The following CNOT8 variants were observed in gnomAD, a reference collection of about 807,000 sequenced individuals.
CNOT8 encodes CAF1-like protein.
CNOT8 carries 18 observed loss-of-function variants against 34.6 expected under a neutral mutation model. The observed-to-expected ratio is 0.52, with a 90% CI of 0.36 to 0.77. The LOEUF (loss-of-function observed/expected upper bound fraction) is 0.77, where lower values mean the gene tolerates loss of function less well. CNOT8 is among the 30% of genes least tolerant of loss of function. The pLI is 0.00. For missense variants in CNOT8, 189 were observed against 347.9 expected, an observed-to-expected ratio of 0.54 and a Z score of 3.63; for synonymous variants, 101 against 118.8, an observed-to-expected ratio of 0.85 and a Z score of 0.98.
chr5:154,870,475 ATC>A lies in CNOT8; in HGVS notation c.312-184_312-183del. 8.9e-6 allele frequency: 4 copies of A among 449,224 alleles called. No individual in the cohort carries two copies. In the South Asian group the frequency reaches 1.6e-4, roughly 18 times the overall value. The allele number at this position is 449,224 out of a possible 1,614,324, so 27.8% of individuals were successfully genotyped here. ...TTATGGAGGAAAATCTCATTTTTCT[ATC>A]TGTCACAGAAATATGATCTACTTTG... On this transcript the variant is annotated intron_variant, in intron 3 of 6. Coordinates refer to ENST00000285896, the MANE Select transcript of CNOT8 (RefSeq NM_001301073.2).
intron 3 of CNOT8, among the ~76,000 whole-genome samples, chr5:154,866,067 GTCATTTTGCTGAT>G (rs1761835841): frequency 6.6e-6 from 1 of 152,204 alleles, no homozygotes. Context: ...CGGGGAGACT[GTCATTTTGCTGAT>G]TGCATAAAAT....
At chr5:154,870,901 CA>C (rs771591183) in intron 4 of CNOT8, 79 bp downstream of exon 4, 523 of 1,282,734 alleles carry the variant, frequency 4.1e-4, no homozygotes, top group Non-Finnish European at 5.4e-4. Flanking sequence ...GTCATTTTTG[CA>C]GTCCTAGTGA....
chr5:154,876,549 G>A lies in CNOT8; in HGVS notation c.*1110G>A, dbSNP rs972885094. ...AAGCTAGTCATTTCAAAAGCATATT[G>A]TATTTTTTTGAATGACTACAGTATG... is the stretch of plus-strand genomic sequence containing the variant. On this transcript the variant is annotated 3_prime_UTR_variant, in exon 7 of 7. Coordinates refer to ENST00000285896, the MANE Select transcript of CNOT8 (RefSeq NM_001301073.2). 3 of 152,472 alleles carry A rather than the reference G, an allele frequency of 2.0e-5. No individual in the cohort carries two copies. Among genetic ancestry groups the A allele is most frequent in the African/African-American group, 7.2e-5 (3 of 41,428 alleles). 9.4% of individuals were successfully genotyped at this position (152,472 alleles called of 1,614,324 possible). A position where few individuals can be genotyped will look rare whatever the true frequency, so the allele number is the denominator to read the frequency against.
At chr5:154,873,229 T>A (rs1008053561) in intron 6 of CNOT8, among the ~76,000 whole-genome samples, 2 of 152,188 alleles carry the variant, frequency 1.3e-5, no homozygotes, top group Admixed American at 6.5e-5. Context: ...TTTTAGCAAG[T>A]TGATGTCCAC....
intron 3 of CNOT8, among the ~76,000 whole-genome samples, chr5:154,866,694 C>G (rs1002622771): frequency 6.6e-6 from 1 of 152,258 alleles, no homozygotes; most frequent in South Asian, 2.1e-4. Flanking sequence ...CACTGGATCA[C>G]TTGAGGCCAG....
chr5:154,866,250 C>G (rs1419386744), intron 3 of CNOT8, among the ~76,000 whole-genome samples: 2 of 152,202 alleles, frequency 1.3e-5, no homozygotes, highest in Non-Finnish European at 2.9e-5. Context: ...CAGCCTCAAT[C>G]TCCCAGGCTT....
At chr5:154,866,983 T>A (rs1189647833) in intron 3 of CNOT8, among the ~76,000 whole-genome samples, 2 of 151,806 alleles carry the variant, frequency 1.3e-5, no homozygotes, top group African/African-American at 4.8e-5. Flanking sequence ...AAAAAAAAAA[T>A]GTTTATTTAA....
At chr5:154,869,707 C>T (rs1016188842) in intron 3 of CNOT8, among the ~76,000 whole-genome samples, 1 of 151,270 alleles carries the variant, frequency 6.6e-6, no homozygotes, top group Non-Finnish European at 1.5e-5. Flanking sequence ...TCACTACAAC[C>T]TCTGCCTCCC....
Position 154,870,663 on chromosome 5 carries a change from A to C in CNOT8, c.314A>C (p.Glu105Ala). The change falls in exon 4 of 7, where the codon GAG becomes GCG. Residue 105 changes from glutamate to alanine, a missense_variant and splice_region_variant. Physicochemically the swap from Glu to Ala is moderately radical, Grantham distance 107 (BLOSUM62 -1). Around this residue, in one of 2 missense-constraint regions of CNOT8, gnomAD observed 160 missense variants for 321.9 expected, o/e 0.50. Coordinates refer to ENST00000285896, the MANE Select transcript of CNOT8 (RefSeq NM_001301073.2). ...WQFNFKFNLT[E>A]DMYSQDSIDL... is the part of the protein sequence containing the mutation. ...TAAATAAACACCTTGTTTTTTAGAG[A>C]GGACATGTACTCCCAGGATTCCATA... The C allele has an allele frequency of 1.2e-6, 2 of 1,607,642 alleles. No homozygotes were observed. The highest frequency in any genetic ancestry group is 1.7e-6 in the Non-Finnish European group (2 of 1,177,858).
Position 154,865,521 on chromosome 5 carries a change from C to T in CNOT8, c.311+136C>T, listed in dbSNP as rs146910171. The T allele has an allele frequency of 8.0e-4, 430 of 540,394 alleles. 3 individuals are homozygous for T. Among genetic ancestry groups the T allele is most frequent in the African/African-American group, 7.9e-3 (409 of 51,628 alleles). The allele number at this position is 540,394 out of a possible 1,614,324, so 33.5% of individuals were successfully genotyped here. On this transcript the variant is annotated intron_variant, in intron 3 of 6. Transcript: ENST00000285896. ...TGAAGTCCTGCTTAAAGAACTGCAG[C>T]AGCTCAACAATGAAAAGATAAACAA...
intron 1 of CNOT8, among the ~76,000 whole-genome samples, chr5:154,861,537 G>A (rs1158991083): frequency 2.0e-5 from 3 of 152,188 alleles, no homozygotes; most frequent in Non-Finnish European, 4.4e-5. Flanking sequence ...AAAATAGGAA[G>A]CAAAGATTTT....
Position 154,872,593 on chromosome 5 carries a change from A to G in CNOT8, c.671A>G (p.Gln224Arg). The change falls in exon 6 of 7, where the codon CAG becomes CGG. Residue 224 changes from glutamine to arginine, a missense_variant. By Grantham distance (43) the Gln-to-Arg change is conservative. This residue lies in a region of CNOT8 where 160 missense variants were observed against 321.9 expected (regional missense o/e 0.50). Coordinates refer to ENST00000285896, the MANE Select transcript of CNOT8 (RefSeq NM_001301073.2). ...TTGGATTTGCAGAGGATTGGAAGGCAGCACCAGGCAGGCTCAGACTCACTG... is the reference window on the plus strand; with the variant it reads ...TTGGATTTGCAGAGGATTGGAAGGCGGCACCAGGCAGGCTCAGACTCACTG... The part of the protein sequence containing the change: ...DQLDLQRIGR[Q>R]HQAGSDSLLT... 6.2e-7 allele frequency: 1 copy of G among 1,613,948 alleles called. No homozygotes were observed. Among genetic ancestry groups the G allele is most frequent in the Non-Finnish European group, 8.5e-7 (1 of 1,179,908 alleles).
At chr5:154,867,060 T>A (rs1221271234) in intron 3 of CNOT8, among the ~76,000 whole-genome samples, 2 of 152,230 alleles carry the variant, frequency 1.3e-5, no homozygotes, top group Non-Finnish European at 1.5e-5. Context: ...ATTGCAGTGG[T>A]TTTCTTATTG....
At chr5:154,860,166 A>G (rs1489872810) in intron 1 of CNOT8, among the ~76,000 whole-genome samples, 3 of 152,190 alleles carry the variant, frequency 2.0e-5, no homozygotes, top group Non-Finnish European at 4.4e-5. Context: ...TGAAAGCCAT[A>G]GAGTTGTGAT....
intron 3 of CNOT8, among the ~76,000 whole-genome samples, chr5:154,868,088 C>G (rs1264625319): frequency 3.3e-5 from 5 of 151,926 alleles, no homozygotes; most frequent in Non-Finnish European, 7.4e-5. Context: ...AGGCGCCCAC[C>G]ACCATGCCTG....
intron 6 of CNOT8, among the ~76,000 whole-genome samples, chr5:154,873,078 G>T (rs1382171096): frequency 6.6e-6 from 1 of 152,104 alleles, no homozygotes; most frequent in Non-Finnish European, 1.5e-5. Flanking sequence ...CGAATTTTTT[G>T]TATTTTTAGT....
At chr5:154,862,244 C>T (rs917561410) in intron 1 of CNOT8, among the ~76,000 whole-genome samples, 5 of 149,162 alleles carry the variant, frequency 3.4e-5, no homozygotes, top group East Asian at 1.9e-4. Flanking sequence ...AAATACTGGC[C>T]GGTGGATCAC....
At chr5:154,866,148 T>C (rs773280297) in intron 3 of CNOT8, among the ~76,000 whole-genome samples, 23 of 152,192 alleles carry the variant, frequency 1.5e-4, no homozygotes, top group Non-Finnish European at 3.1e-4. Flanking sequence ...CGGGAGTGTT[T>C]CATGATTTAG....
intron 1 of CNOT8, among the ~76,000 whole-genome samples, 192 bp from the exon 2 acceptor site, chr5:154,863,012 ACTG>A (rs948093513): frequency 5.3e-5 from 8 of 152,094 alleles, no homozygotes; most frequent in Admixed American, 1.3e-4. Context: ...TCAAGAAAGA[ACTG>A]TGTGTGTGTG....
Sources: gnomAD v4.1 joint callset for allele counts (sites outside exome capture counted in the v4.1 genomes callset) on GRCh38, gnomAD v4.1.1 for gene constraint, gnomAD v4.1.1 regional missense constraint, MANE v1.5 for transcripts, NCBI Gene and HGNC (gene_info 2026-07-23, HGNC 2026-07-21) for gene names.